KAZN: variants seen among roughly 807,000 people sequenced by gnomAD.
KAZN encodes the protein kazrin, periplakin interacting protein.
Under a neutral mutation model 87.4 loss-of-function variants are expected in KAZN, and 40 were observed. That is an observed-to-expected ratio of 0.46 (90% CI 0.36 to 0.60). KAZN has a LOEUF of 0.60. KAZN is among the 20% of genes least tolerant of loss of function. The pLI, the probability that KAZN is intolerant of heterozygous loss-of-function variation, is 0.00. For missense variants in KAZN, 898 were observed against 1,073.9 expected (o/e 0.84, Z 2.29); for synonymous variants, 466 against 458.3 (o/e 1.02, Z -0.22).
At chr1:14,892,218 C>A (rs1471397903) in intron 1 of KAZN, among the ~76,000 whole-genome samples, 1 of 152,096 alleles carries the variant, frequency 6.6e-6, no homozygotes, top group African/African-American at 2.4e-5. Context: ...ACACTAAATT[C>A]TCTCAGAACT....
intron 2 of KAZN, among the ~76,000 whole-genome samples, chr1:15,014,840 G>A (rs1445106763): frequency 1.3e-5 from 2 of 152,124 alleles, no homozygotes; most frequent in East Asian, 1.9e-4. Flanking sequence ...CACCTGTCCC[G>A]CCTTCCGTGC....
rs1017711902 is a variant in KAZN at position 15,014,830 on chromosome 1, C to T, written c.419-19919C>T. On this transcript the variant is annotated intron_variant, in intron 2 of 14. Transcript: ENST00000376030. ...GGCAGTCAGCGTGTGGGGCTGAGGC[C>T]ACCTGTCCCGCCTTCCGTGCCCTCA... Among the ~76,000 whole-genome samples, 7 of 152,256 alleles carry T rather than the reference C, an allele frequency of 4.6e-5. 1 individual carries two copies. The East Asian group carries it at 9.7e-4, about 21-fold the overall frequency.
chr1:14,936,018 G>A (rs534269928), intron 1 of KAZN, among the ~76,000 whole-genome samples: 4 of 152,250 alleles, frequency 2.6e-5, no homozygotes, highest in Non-Finnish European at 5.9e-5. Flanking sequence ...CTGCCCTTGG[G>A]GACGCCTGGA....
chr1:14,469,286 TA>T (rs767032254), intron 2 of KAZN, among the ~76,000 whole-genome samples: 5 of 152,244 alleles, frequency 3.3e-5, no homozygotes, highest in Non-Finnish European at 5.9e-5. Flanking sequence ...CTATTGACAT[TA>T]TTTAGCCAGT....
At chr1:14,931,305 A>G (rs1659791196) in intron 1 of KAZN, among the ~76,000 whole-genome samples, 1 of 152,010 alleles carries the variant, frequency 6.6e-6, no homozygotes, top group South Asian at 2.1e-4. Context: ...TGAGCCCAGC[A>G]TGGTGGCGCA....
intron 1 of KAZN, among the ~76,000 whole-genome samples, chr1:14,162,554 T>C (rs1271421451): frequency 7.0e-6 from 1 of 142,938 alleles, no homozygotes; most frequent in African/African-American, 3.0e-5. Context: ...TTTCTTTTTT[T>C]TTTTTTTTGA....
intron 1 of KAZN, among the ~76,000 whole-genome samples, chr1:14,789,418 C>G (rs1010582765): frequency 6.6e-6 from 1 of 152,146 alleles, no homozygotes; most frequent in African/African-American, 2.4e-5. Flanking sequence ...CCCACATGCC[C>G]CACTGTCCAG....
At chr1:14,477,962 G>A (rs1321487043) in intron 2 of KAZN, among the ~76,000 whole-genome samples, 1 of 152,244 alleles carries the variant, frequency 6.6e-6, no homozygotes, top group South Asian at 2.1e-4. Flanking sequence ...GCCAAGCAAC[G>A]CCTCTGCTGC....
At chr1:15,047,448 G>A (rs1419907697) in intron 4 of KAZN, among the ~76,000 whole-genome samples, 1 of 152,144 alleles carries the variant, frequency 6.6e-6, no homozygotes, top group East Asian at 1.9e-4. Flanking sequence ...TGGGGAGGTG[G>A]AGGGCGCAGC....
chr1:14,782,554 C>CAAAGAA (rs1645385488), intron 1 of KAZN, among the ~76,000 whole-genome samples: 2 of 66,252 alleles, frequency 3.0e-5, no homozygotes, highest in African/African-American at 5.8e-5. Context: ...CCTCAAAGAG[C>CAAAGAA]AAAAAAAAAA....
intron 1 of KAZN, among the ~76,000 whole-genome samples, chr1:14,024,005 C>T (rs564619937): frequency 7.2e-4 from 109 of 152,188 alleles, no homozygotes; most frequent in Non-Finnish European, 1.4e-3. Context: ...CACAGTAAAA[C>T]CTTGTCCCAC....
At chr1:14,611,929 A>G (rs1247093476) in intron 1 of KAZN, among the ~76,000 whole-genome samples, 1 of 152,228 alleles carries the variant, frequency 6.6e-6, no homozygotes, top group Non-Finnish European at 1.5e-5. Flanking sequence ...ATCTGCTGTT[A>G]TAATGCAAAA....
At chr1:14,481,428 A>G (rs575855739) in intron 2 of KAZN, among the ~76,000 whole-genome samples, 23 of 151,978 alleles carry the variant, frequency 1.5e-4, no homozygotes, top group African/African-American at 4.8e-4. Context: ...TTTCTAGAAA[A>G]AAAACTATCA....
intron 2 of KAZN, among the ~76,000 whole-genome samples, chr1:14,231,408 G>A (rs1647832604): frequency 6.6e-6 from 1 of 150,756 alleles, no homozygotes; most frequent in Non-Finnish European, 1.5e-5. Context: ...TTTTTTTTTA[G>A]CATGGCCCAG....
In KAZN at chr1:15,081,217, G is replaced by A. The variant is rs937445800; in HGVS notation, c.1223-12963G>A. On this transcript the variant is annotated intron_variant, in intron 8 of 14. Transcript: ENST00000376030. The surrounding 1 kb of genome is among the most constrained non-coding windows in gnomAD (Gnocchi z 4.1). ...TCAATTGCAGGCAGTGCTGGGCCAG[G>A]GCTGGCTCACACAGGCCCACGGATG... Among the ~76,000 whole-genome samples, 10 of 152,198 alleles carry A rather than the reference G, an allele frequency of 6.6e-5. No homozygotes were observed. The highest frequency in any genetic ancestry group is 2.4e-4 in the African/African-American group (10 of 41,446).
chr1:14,247,522 G>A (rs372176568), intron 2 of KAZN, among the ~76,000 whole-genome samples: 1 of 152,152 alleles, frequency 6.6e-6, no homozygotes, highest in Non-Finnish European at 1.5e-5. Context: ...TGAGGTGTTC[G>A]GTTTTCTGTT....
At chr1:14,759,480 T>C (rs1644673643) in intron 1 of KAZN, among the ~76,000 whole-genome samples, 1 of 152,236 alleles carries the variant, frequency 6.6e-6, no homozygotes, top group Non-Finnish European at 1.5e-5. Flanking sequence ...TTTGGTATTT[T>C]GATAACCTTC....
intron 2 of KAZN, chr1:14,351,079 C>T (rs563631135): frequency 5.9e-5 from 9 of 152,336 alleles, no homozygotes; most frequent in Admixed American, 4.6e-4. Context: ...AGTCCCTCTC[C>T]GCAGAGTGGG....
At chr1:14,901,141 C>A (rs776518665) in intron 1 of KAZN, among the ~76,000 whole-genome samples, 1 of 152,046 alleles carries the variant, frequency 6.6e-6, no homozygotes, top group African/African-American at 2.4e-5. Flanking sequence ...AAAAACTGGT[C>A]GGGGACAACT....
Sources: allele counts gnomAD v4.1 joint callset (sites outside exome capture counted in the v4.1 genomes callset), GRCh38; gene constraint gnomAD v4.1.1; non-coding constraint Gnocchi (gnomAD v3.1); transcripts MANE v1.5; gene names NCBI Gene and HGNC (gene_info 2026-07-23, HGNC 2026-07-21).